Variants in OSBP observed in about 807,000 individuals in gnomAD.
The protein encoded by OSBP is oxysterol binding protein, also known as oxysterol-binding protein 1.
A neutral mutation model predicts 96.6 loss-of-function variants in OSBP; 32 were observed. The observed-to-expected ratio is 0.33, with a 90% CI of 0.25 to 0.45. The LOEUF is 0.45. Ranked by LOEUF, OSBP falls within the 20% of genes least tolerant of loss-of-function variation. The pLI is 1.00. For synonymous variants in OSBP, 369 were observed against 389.6 expected (o/e 0.95, Z 0.62); for missense variants, 653 against 1,029.7 (o/e 0.63, Z 5.01).
Position 59,578,297 on chromosome 11 carries a change from C to T in OSBP, c.1912G>A (p.Val638Ile), listed in dbSNP as rs1269475983. The T allele has an allele frequency of 1.2e-6, 2 of 1,614,106 alleles. No homozygotes were observed. The highest frequency in any genetic ancestry group is 2.2e-5 in the East Asian group (1 of 44,896). The change falls in exon 12 of 14, where the codon GTC becomes ATC. Residue 638 changes from valine (V) to isoleucine (I), a missense_variant. This residue lies in a region of OSBP where 169 missense variants were observed against 251.5 expected (regional missense o/e 0.67). Coordinates refer to ENST00000263847, the MANE Select transcript of OSBP (RefSeq NM_002556.3). Reference protein sequence around the residue: ...TGEVTDPSGKVHFALLGTWDE... With the variant: ...TGEVTDPSGKIHFALLGTWDE... ...CACGTCCCCAGAAGAGCAAAGTGGACTTTTCCTGATGGATCTGTCACTTCC... is the reference window on the plus strand; with the variant it reads ...CACGTCCCCAGAAGAGCAAAGTGGATTTTTCCTGATGGATCTGTCACTTCC...
At chr11:59,610,095 T>C (rs1221996081) in intron 2 of OSBP, among the ~76,000 whole-genome samples, 1 of 151,742 alleles carries the variant, frequency 6.6e-6, no homozygotes, top group Non-Finnish European at 1.5e-5. Flanking sequence ...TTATAGGAGG[T>C]TCAGCAGCAT....
intron 9 of OSBP, among the ~76,000 whole-genome samples, chr11:59,586,682 T>G (rs72927417): frequency 6.6e-6 from 1 of 152,286 alleles, no homozygotes; most frequent in Non-Finnish European, 1.5e-5. Flanking sequence ...GGTACTAGAA[T>G]AAAGACAGAC....
intron 3 of OSBP, among the ~76,000 whole-genome samples, chr11:59,604,771 C>G (rs915942057): frequency 2.0e-5 from 3 of 151,744 alleles, no homozygotes; most frequent in African/African-American, 7.3e-5. Context: ...GTGAGACTCA[C>G]TTGAGCCTGG....
chr11:59,615,624 G>A lies in OSBP; in HGVS notation c.41C>T (p.Pro14Leu), dbSNP rs1860918339. ...TELRGVVGPG[P>L]AAIAALGGGG... ...GCCGCCAAGTGCTGCAATGGCTGCCGGGCCTGGCCCCACCACTCCTCTCAG... is the reference window on the plus strand; with the variant it reads ...GCCGCCAAGTGCTGCAATGGCTGCCAGGCCTGGCCCCACCACTCCTCTCAG... Residue 14 changes from proline to leucine, a missense_variant, in exon 1 of 14, where the codon CCG becomes CTG. By Grantham distance (98) the Pro-to-Leu change is moderately conservative. Around this residue, in one of 6 missense-constraint regions of OSBP, gnomAD observed 151 missense variants for 146.1 expected, o/e 1.03. Transcript: ENST00000263847. 7.3e-7 allele frequency: 1 copy of A among 1,377,766 alleles called. No individual in the cohort carries two copies. Among genetic ancestry groups the A allele is most frequent in the Middle Eastern group, 2.5e-4 (1 of 3,944 alleles). The allele number at this position is 1,377,766 out of a possible 1,614,324, so 85.3% of individuals were successfully genotyped here.
At chr11:59,578,091 T>C in intron 12 of OSBP, 58 bp downstream of exon 12, 4 of 1,530,790 alleles carry the variant, frequency 2.6e-6, no homozygotes, top group Non-Finnish European at 1.8e-6. Flanking sequence ...ATGCCTTCAA[T>C]ATTGCTCCAC....
chr11:59,586,619 C>G (rs1476288787), intron 9 of OSBP, among the ~76,000 whole-genome samples: 1 of 152,162 alleles, frequency 6.6e-6, no homozygotes, highest in Non-Finnish European at 1.5e-5. Flanking sequence ...CTAGAGGACT[C>G]AAACTTCCTG....
intron 5 of OSBP, 47 bp downstream of exon 5, chr11:59,601,236 G>A (rs1590675624): frequency 9.9e-7 from 1 of 1,014,554 alleles, no homozygotes; most frequent in Non-Finnish European, 1.6e-6. Context: ...CCACCATATT[G>A]ATGGTGAAGA....
At chr11:59,608,917 A>G (rs1369802961) in intron 2 of OSBP, among the ~76,000 whole-genome samples, 183 bp from the exon 3 acceptor site, 1 of 151,984 alleles carries the variant, frequency 6.6e-6, no homozygotes, top group African/African-American at 2.4e-5. Flanking sequence ...CACCACAAAC[A>G]CCCCAGGTCC....
chr11:59,587,177 CA>C (rs374848551), intron 9 of OSBP, among the ~76,000 whole-genome samples: 1 of 151,564 alleles, frequency 6.6e-6, no homozygotes. Flanking sequence ...AATTCAACAA[CA>C]AAAAAAAGCT....
At chr11:59,596,968 C>T (rs1420515569) in intron 7 of OSBP, among the ~76,000 whole-genome samples, 1 of 152,138 alleles carries the variant, frequency 6.6e-6, no homozygotes, top group Non-Finnish European at 1.5e-5. Flanking sequence ...GATCTGCGGG[C>T]AAACAGGTAC....
At position 59,576,850 on chromosome 11, in the gene OSBP, A is replaced by G. The variant is rs772422914; in HGVS notation, c.2236T>C (p.Ser746Pro). The change falls in exon 13 of 14, where the codon TCC (serine) becomes CCC (proline). Residue 746 changes from serine to proline, a missense_variant. Physicochemically the swap from Ser to Pro is moderately conservative, Grantham distance 74. This residue lies in a region of OSBP where 169 missense variants were observed against 251.5 expected (regional missense o/e 0.67). Coordinates refer to ENST00000263847, the MANE Select transcript of OSBP (RefSeq NM_002556.3). ...KQRLEEKQRL[S>P]RKKREAEAMK... ...GCTTCCGCTTCTCTCTTCTTTCTGG[A>G]AAGTCTTTGTTTTTCCTCCAGGCGC... 6.2e-7 allele frequency: 1 copy of G among 1,614,126 alleles called. No individual in the cohort carries two copies. The highest frequency in any genetic ancestry group is 8.5e-7 in the Non-Finnish European group (1 of 1,180,022).
Position 59,610,367 on chromosome 11 carries a change from T to G in OSBP, c.571+14A>C. 3 of 1,610,648 alleles carry G rather than the reference T, an allele frequency of 1.9e-6. No homozygotes were observed. The highest frequency in any genetic ancestry group is 2.5e-6 in the Non-Finnish European group (3 of 1,178,266). On this transcript the variant is annotated intron_variant, in intron 2 of 13. Transcript: ENST00000263847. ...AAAAGAAAGTTCCCCAGGCAGGTGT[T>G]CTTTGTTCCTGACCTGACTCTGCCA...
intron 3 of OSBP, among the ~76,000 whole-genome samples, chr11:59,603,919 C>T (rs1860750233): frequency 6.6e-6 from 1 of 152,144 alleles, no homozygotes; most frequent in African/African-American, 2.4e-5. Context: ...AAGGGGCATC[C>T]TTCTCTTACT....
rs1409729935 is a variant in OSBP, at chr11:59,576,259, C to T, written c.*318G>A. 1.2e-5 allele frequency: 3 copies of T among 256,864 alleles called. No homozygotes were observed. Among genetic ancestry groups the T allele is most frequent in the African/African-American group, 4.5e-5 (2 of 44,706 alleles). The allele number at this position is 256,864 out of a possible 1,614,324, so 15.9% of individuals were successfully genotyped here. A position where few individuals can be genotyped will look rare whatever the true frequency, so the allele number is the denominator to read the frequency against. On this transcript the variant is annotated 3_prime_UTR_variant, in exon 14 of 14. Transcript: ENST00000263847. ...ACAAGGGGAGGGTGAGTGACATTGT[C>T]TTAAATGGGGGCAGAGGGAGAAAGA... is the stretch of plus-strand genomic sequence containing the variant.
At chr11:59,586,684 A>C (rs72927419) in intron 9 of OSBP, among the ~76,000 whole-genome samples, 1 of 152,356 alleles carries the variant, frequency 6.6e-6, no homozygotes, top group Non-Finnish European at 1.5e-5. Flanking sequence ...TACTAGAATA[A>C]AGACAGACAT....
intron 1 of OSBP, 50 bp downstream of exon 1, chr11:59,615,253 G>A (rs750030873): frequency 6.8e-7 from 1 of 1,469,122 alleles, no homozygotes; most frequent in Admixed American, 1.7e-5. Flanking sequence ...TGGGACTGTT[G>A]GCAGATATGG....
rs1860382250 is a variant in OSBP at position 59,578,233 on chromosome 11, A to G, written c.1976T>C (p.Ile659Thr). ...KMECFKVQPV[I>T]GENGGDARQR... ...TCGAGCATCACCCCCATTTTCCCCA[A>G]TGACTGGCTGTACTTTGAAACATTC... The change falls in exon 12 of 14, where the codon ATT (isoleucine) becomes ACT (threonine). Residue 659 changes from isoleucine to threonine, a missense_variant. By Grantham distance (89) the Ile-to-Thr change is moderately conservative. Around this residue, in one of 6 missense-constraint regions of OSBP, gnomAD observed 169 missense variants for 251.5 expected, o/e 0.67. Coordinates refer to ENST00000263847, the MANE Select transcript of OSBP (RefSeq NM_002556.3). The G allele has an allele frequency of 1.9e-6, 3 of 1,614,038 alleles. No individual in the cohort carries two copies. Among genetic ancestry groups the G allele is most frequent in the East Asian group, 2.2e-5 (1 of 44,874 alleles).
chr11:59,602,659 T>C (rs142151540), intron 3 of OSBP, among the ~76,000 whole-genome samples: 42 of 152,330 alleles, frequency 2.8e-4, no homozygotes, highest in African/African-American at 9.6e-4. Context: ...CACAGATTTC[T>C]GGCACAGTCT....
At chr11:59,600,711 A>G (rs2134669282) in intron 6 of OSBP, 84 bp from the exon 7 acceptor site, 1 of 1,572,030 alleles carries the variant, frequency 6.4e-7, no homozygotes, top group Admixed American at 2.0e-5. Context: ...CGTGCTAAAA[A>G]AAGAAAAAAA....
Sources: gnomAD v4.1 joint callset for allele counts (sites outside exome capture counted in the v4.1 genomes callset) on GRCh38, gnomAD v4.1.1 for gene constraint, gnomAD v4.1.1 regional missense constraint, MANE v1.5 for transcripts, NCBI Gene and HGNC (gene_info 2026-07-23, HGNC 2026-07-21) for gene names.